The following FAM13C variants were observed in gnomAD, a reference collection of about 807,000 sequenced individuals.
FAM13C encodes protein FAM13C.
In FAM13C, 37 loss-of-function variants were observed where a neutral mutation model predicts 73.2. The observed-to-expected ratio is 0.51, with a 90% CI of 0.39 to 0.67. FAM13C has a LOEUF of 0.67. Ranked by LOEUF, FAM13C falls within the 30% of genes least tolerant of loss-of-function variation. The probability of loss-of-function intolerance (pLI) is 0.00; values close to 1 mark genes in which losing one functional copy is unlikely to be tolerated. For missense variants in FAM13C, 589 were observed against 715.6 expected (o/e 0.82, Z 2.02); for synonymous variants, 246 against 260.9 (o/e 0.94, Z 0.55).
At chr10:59,285,836 A>C (rs1350694691) in intron 5 of FAM13C, among the ~76,000 whole-genome samples, 3 of 152,220 alleles carry the variant, frequency 2.0e-5, no homozygotes, top group Admixed American at 6.5e-5. Flanking sequence ...GCCATGTGAG[A>C]AGGCAGCTGT....
intron 3 of FAM13C, among the ~76,000 whole-genome samples, chr10:59,325,097 G>A (rs534310644): frequency 1.6e-4 from 25 of 152,280 alleles, no homozygotes; most frequent in African/African-American, 5.5e-4. Flanking sequence ...AAATCTGCGA[G>A]AAATTCAGTA....
chr10:59,319,575 G>A (rs1434319751), intron 4 of FAM13C, among the ~76,000 whole-genome samples: 1 of 152,088 alleles, frequency 6.6e-6, no homozygotes, highest in Non-Finnish European at 1.5e-5. Flanking sequence ...TCATATCTGA[G>A]GGTTTACAGG....
intron 3 of FAM13C, among the ~76,000 whole-genome samples, chr10:59,339,578 A>G (rs888883866): frequency 3.9e-5 from 6 of 152,158 alleles, no homozygotes; most frequent in African/African-American, 1.4e-4. Flanking sequence ...CAGCTCTTGA[A>G]TTCCACTATC....
At position 59,302,848 on chromosome 10, in the gene FAM13C, C is replaced by G; in HGVS notation, c.460G>C (p.Ala154Pro). 6.2e-7 allele frequency: 1 copy of G among 1,614,052 alleles called. No homozygotes were observed. Among genetic ancestry groups the G allele is most frequent in the Non-Finnish European group, 8.5e-7 (1 of 1,179,956 alleles). ...TCAAAAGCATCCTTTGGCGAAATGG[C>G]AGTCCTCTGGTCTATTCTATAAAAT... ...RLQPRIDQRT[A>P]ISPKDAFETR... is the part of the protein sequence containing the mutation. Residue 154 changes from alanine to proline, a missense_variant, in exon 5 of 14, where the codon GCC becomes CCC. Coordinates refer to ENST00000618804, the MANE Select transcript of FAM13C (RefSeq NM_198215.4).
rs774091963 is a variant in FAM13C at position 59,251,559 on chromosome 10, C to G, written c.1634+16G>C. 2.5e-6 allele frequency: 4 copies of G among 1,607,540 alleles called. No individual in the cohort carries two copies. In the South Asian group the frequency reaches 3.3e-5, roughly 13 times the overall value. On this transcript the variant is annotated intron_variant, in intron 13 of 13. Transcript: ENST00000618804. ...TAGGAAGTATTAGCTTTAAAAATCT[C>G]TCTGCCGACACATACCTTCCTGTTT...
chr10:59,335,518 C>G (rs984270719), intron 3 of FAM13C, among the ~76,000 whole-genome samples: 2 of 152,202 alleles, frequency 1.3e-5, no homozygotes, highest in Non-Finnish European at 2.9e-5. Flanking sequence ...TACCCCACCC[C>G]CTACCAGCGC....
chr10:59,285,851 A>C (rs528127519), intron 5 of FAM13C, among the ~76,000 whole-genome samples: 17 of 152,240 alleles, frequency 1.1e-4, no homozygotes, highest in Non-Finnish European at 2.5e-4. Flanking sequence ...AGCTGTCTGC[A>C]AGACAAGGAG....
intron 13 of FAM13C, among the ~76,000 whole-genome samples, chr10:59,247,938 A>G (rs937402030): frequency 1.3e-5 from 2 of 152,086 alleles, no homozygotes; most frequent in African/African-American, 4.8e-5. Context: ...AACCTTTGAA[A>G]ACTTGAATGT....
chr10:59,340,724 A>T lies in FAM13C; in HGVS notation c.324+11546T>A, dbSNP rs140557553. Among the ~76,000 whole-genome samples, 409 of 152,206 alleles carry T rather than the reference A, an allele frequency of 2.7e-3. 4 individuals carry two copies. The highest frequency in any genetic ancestry group is 9.3e-3 in the African/African-American group (385 of 41,554). On this transcript the variant is annotated intron_variant, in intron 3 of 13. Transcript: ENST00000618804. ...AGTCTTTATAGGTAACCAGTGAAAA[A>T]AAATAAATAAAATATAAAAGGAAAT...
intron 3 of FAM13C, among the ~76,000 whole-genome samples, chr10:59,332,984 C>CATAT (rs1554836116): frequency 8.7e-6 from 1 of 115,216 alleles, no homozygotes; most frequent in Non-Finnish European, 1.9e-5. Context: ...ATTGTTGTCA[C>CATAT]TTATTTATTT....
chr10:59,334,572 G>A (rs1589661765), intron 3 of FAM13C, among the ~76,000 whole-genome samples: 1 of 152,120 alleles, frequency 6.6e-6, no homozygotes, highest in Non-Finnish European at 1.5e-5. Flanking sequence ...GGAATACTGT[G>A]CAGCCATAAA....
At chr10:59,297,869 G>A (rs1053833016) in intron 5 of FAM13C, among the ~76,000 whole-genome samples, 2 of 150,950 alleles carry the variant, frequency 1.3e-5, no homozygotes, top group Non-Finnish European at 2.9e-5. Context: ...GGGGGAGACA[G>A]ACACCTGTCT....
Position 59,252,934 on chromosome 10 carries a change from G to A in FAM13C, c.1397C>T (p.Pro466Leu). 1 of 1,614,120 alleles carries A rather than the reference G, an allele frequency of 6.2e-7. No individual in the cohort carries two copies. The highest frequency in any genetic ancestry group is 8.5e-7 in the Non-Finnish European group (1 of 1,180,002). Residue 466 changes from proline (P) to leucine (L), a missense_variant, in exon 12 of 14, where the codon CCA becomes CTA. Coordinates refer to ENST00000618804, the MANE Select transcript of FAM13C (RefSeq NM_198215.4). ...GTCACCAACAGGAAGGTGAGATGCT[G>A]GATCTGCCAAAGAAGGTTGTTGGCT... ...QGSQQPSLAD[P>L]ASHLPVGDHL...
intron 3 of FAM13C, among the ~76,000 whole-genome samples, chr10:59,336,897 T>G (rs1388124370): frequency 6.6e-6 from 1 of 152,166 alleles, no homozygotes; most frequent in African/African-American, 2.4e-5. Flanking sequence ...TTCCTGTCTA[T>G]CTTCCATCAC....
chr10:59,321,889 C>T (rs1279728523), intron 4 of FAM13C, among the ~76,000 whole-genome samples: 1 of 152,096 alleles, frequency 6.6e-6, no homozygotes, highest in African/African-American at 2.4e-5. Flanking sequence ...CCTTTTCTTA[C>T]AGTGTTCATT....
At chr10:59,355,402 C>A (rs1015269365) in intron 2 of FAM13C, among the ~76,000 whole-genome samples, 2 of 152,104 alleles carry the variant, frequency 1.3e-5, no homozygotes, top group Non-Finnish European at 2.9e-5. Flanking sequence ...TCTCCATCTA[C>A]AGGATGAGAA....
At position 59,362,068 on chromosome 10, in the gene FAM13C, C is replaced by G. The variant is rs1490121009; in HGVS notation, c.62+331G>C. On this transcript the variant is annotated intron_variant, in intron 1 of 13. Coordinates refer to ENST00000618804, the MANE Select transcript of FAM13C (RefSeq NM_198215.4). Reference sequence around the variant, plus strand: ...AGTGTGCACTCCATGAAAACTGACACCAATGTTGGCAAAATACAACAAAGC... The same window carrying G: ...AGTGTGCACTCCATGAAAACTGACAGCAATGTTGGCAAAATACAACAAAGC... Among the ~76,000 whole-genome samples, 6 of 152,152 alleles carry G rather than the reference C, an allele frequency of 3.9e-5. No homozygotes were observed. In the East Asian group the frequency reaches 7.7e-4, roughly 20 times the overall value.
At chr10:59,291,770 C>A (rs557316647) in intron 5 of FAM13C, among the ~76,000 whole-genome samples, 1 of 145,874 alleles carries the variant, frequency 6.9e-6, no homozygotes, top group South Asian at 2.2e-4. Context: ...AGAATAATAC[C>A]ATTTTATAAA....
intron 6 of FAM13C, chr10:59,270,339 A>G (rs1843570047): frequency 9.4e-6 from 5 of 530,676 alleles, no homozygotes; most frequent in South Asian, 4.6e-5. Flanking sequence ...TAAGTTTGGT[A>G]TGAGTTATAC....
Sources: allele counts gnomAD v4.1 joint callset (sites outside exome capture counted in the v4.1 genomes callset), GRCh38; gene constraint gnomAD v4.1.1; transcripts MANE v1.5; gene names NCBI Gene and HGNC (gene_info 2026-07-23, HGNC 2026-07-21).